DIAPH3: variants seen among roughly 807,000 people sequenced by gnomAD.
The protein encoded by DIAPH3 is diaphanous related formin 3.
A neutral mutation model predicts 144.3 loss-of-function variants in DIAPH3; 117 were observed. The ratio of observed to expected loss-of-function variants is 0.81; its 90% confidence interval spans 0.70 to 0.95. The LOEUF (loss-of-function observed/expected upper bound fraction) is 0.95. Ranked by LOEUF, DIAPH3 falls within the 40% of genes least tolerant of loss-of-function variation. DIAPH3 has a pLI of 0.00. For synonymous variants in DIAPH3, 519 were observed against 488.9 expected (o/e 1.06, Z -0.81); for missense variants, 1,421 against 1,412.7 (o/e 1.01, Z -0.09).
At chr13:59,921,461 A>G (rs919847748) in intron 18 of DIAPH3, among the ~76,000 whole-genome samples, 17 of 151,776 alleles carry the variant, frequency 1.1e-4, no homozygotes, top group Non-Finnish European at 2.4e-4. Flanking sequence ...TTATACATCA[A>G]TAAATTGGAT....
intron 17 of DIAPH3, among the ~76,000 whole-genome samples, chr13:59,949,651 G>C (rs565742714): frequency 6.6e-6 from 1 of 152,234 alleles, no homozygotes; most frequent in South Asian, 2.1e-4. Context: ...GCACAGCTGA[G>C]TAGCTGTGAC....
At chr13:59,846,123 A>G (rs150605138) in intron 22 of DIAPH3, among the ~76,000 whole-genome samples, 1 of 152,168 alleles carries the variant, frequency 6.6e-6, no homozygotes, top group African/African-American at 2.4e-5. Flanking sequence ...TCGAAACTAT[A>G]AATATTTAAG....
intron 27 of DIAPH3, among the ~76,000 whole-genome samples, chr13:59,753,120 C>T (rs1425317216): frequency 1.3e-5 from 2 of 152,052 alleles, no homozygotes; most frequent in African/African-American, 4.8e-5. Context: ...GAGGCTAATA[C>T]CAAACAAATT....
Position 59,969,990 on chromosome 13 carries a change from C to A in DIAPH3, c.2028G>T (p.Val676=). The A allele has an allele frequency of 6.2e-7, 1 of 1,609,688 alleles. No individual in the cohort carries two copies. The highest frequency in any genetic ancestry group is 8.5e-7 in the Non-Finnish European group (1 of 1,177,608). The change falls in exon 17 of 28, where the codon GTG becomes GTT. Residue 676 remains valine, a synonymous_variant. Transcript: ENST00000400324. ...IKVNENKYEN[V]DLLCKLENTF... is the part of the protein sequence containing the mutation. ...TATTCTCAAGTTTACAAAGCAAATC[C>A]ACGTTTTCATACTTATTTTCATTTA...
chr13:60,058,959 T>C (rs977402747), intron 4 of DIAPH3, among the ~76,000 whole-genome samples: 1 of 151,820 alleles, frequency 6.6e-6, no homozygotes, highest in African/African-American at 2.4e-5. Flanking sequence ...ATCCCAGACT[T>C]CACCACTATC....
chr13:59,739,189 T>C (rs2036313276), intron 27 of DIAPH3, among the ~76,000 whole-genome samples: 1 of 152,218 alleles, frequency 6.6e-6, no homozygotes, highest in Non-Finnish European at 1.5e-5. Context: ...TTGCGTTTTG[T>C]TAAGAATGTG....
At chr13:59,830,257 A>AT (rs2041703687) in intron 24 of DIAPH3, among the ~76,000 whole-genome samples, 1 of 151,786 alleles carries the variant, frequency 6.6e-6, no homozygotes. Context: ...AAAGCGATAT[A>AT]TTTTGTCTAA....
At chr13:60,121,793 T>C (rs2058851859) in intron 2 of DIAPH3, among the ~76,000 whole-genome samples, 1 of 152,188 alleles carries the variant, frequency 6.6e-6, no homozygotes. Context: ...GAATTGATTA[T>C]GACTCAGCTC....
chr13:59,733,364 A>C (rs919517474), intron 27 of DIAPH3, among the ~76,000 whole-genome samples: 26 of 152,190 alleles, frequency 1.7e-4, no homozygotes, highest in Non-Finnish European at 8.8e-5. Context: ...AAAATCTTTC[A>C]ATCTAAAACA....
intron 1 of DIAPH3, among the ~76,000 whole-genome samples, chr13:60,134,486 A>G (rs1219568434): frequency 6.6e-6 from 1 of 152,178 alleles, no homozygotes; most frequent in Admixed American, 6.5e-5. Flanking sequence ...CCAAACGTAG[A>G]GGGCTCTTGA....
At chr13:59,903,486 TAGTC>T (rs796226389) in intron 20 of DIAPH3, among the ~76,000 whole-genome samples, 7 of 152,052 alleles carry the variant, frequency 4.6e-5, no homozygotes, top group African/African-American at 1.7e-4. Flanking sequence ...GTACCATGAG[TAGTC>T]ACACTCAAAA....
intron 1 of DIAPH3, among the ~76,000 whole-genome samples, chr13:60,159,930 A>C (rs1952206250): frequency 6.6e-6 from 1 of 151,998 alleles, no homozygotes; most frequent in Non-Finnish European, 1.5e-5. Flanking sequence ...ACAAGGTGAA[A>C]AAATCTCAAA....
chr13:60,122,590 C>T (rs921337397), intron 2 of DIAPH3, among the ~76,000 whole-genome samples: 2 of 152,132 alleles, frequency 1.3e-5, no homozygotes, highest in Non-Finnish European at 2.9e-5. Context: ...GCCTGGAACA[C>T]CCTAGCCATT....
chr13:59,802,621 C>T (rs1038571611), intron 25 of DIAPH3, among the ~76,000 whole-genome samples: 153 of 127,252 alleles, frequency 1.2e-3, no homozygotes, highest in African/African-American at 4.1e-3. Context: ...AATCAAAGAA[C>T]AGAGTCTATG....
At chr13:59,673,033 A>G (rs2032460412) in intron 27 of DIAPH3, among the ~76,000 whole-genome samples, 2 of 152,222 alleles carry the variant, frequency 1.3e-5, no homozygotes, top group Admixed American at 1.3e-4. Context: ...CAAAGACAGT[A>G]CTGCCATTTC....
At chr13:60,063,356 TAA>T (rs1335256842) in intron 4 of DIAPH3, among the ~76,000 whole-genome samples, 1 of 152,156 alleles carries the variant, frequency 6.6e-6, no homozygotes, top group Non-Finnish European at 1.5e-5. Flanking sequence ...ATTCCTCCAC[TAA>T]AGTGTTGAAC....
chr13:59,791,796 G>A (rs2039339416), intron 25 of DIAPH3, among the ~76,000 whole-genome samples: 1 of 152,122 alleles, frequency 6.6e-6, no homozygotes, highest in Admixed American at 6.5e-5. Flanking sequence ...AGAGATGCAG[G>A]TCATTCACAG....
At chr13:59,683,418 TG>T (rs761742253) in intron 27 of DIAPH3, among the ~76,000 whole-genome samples, 40 of 151,498 alleles carry the variant, frequency 2.6e-4, no homozygotes, top group Non-Finnish European at 4.9e-4. Context: ...GAGCTGGGGG[TG>T]GGGTGTCATC....
rs2051773873 is a variant in DIAPH3 at position 59,991,028 on chromosome 13, C to A, written c.1361+130G>T. The A allele has an allele frequency of 7.9e-6, 5 of 628,966 alleles. No homozygotes were observed. In the South Asian group the frequency reaches 9.8e-5, roughly 12 times the overall value. The allele number at this position is 628,966 out of a possible 1,614,324, so 39.0% of individuals were successfully genotyped here. On this transcript the variant is annotated intron_variant, in intron 12 of 27. Transcript: ENST00000400324. The stretch of plus-strand genomic sequence containing the variant: ...CTAAATATATGCCCAGAGAAAACAA[C>A]ACATTCTATGAATCAGTGTTATGAC...
Sources: allele counts gnomAD v4.1 joint callset (sites outside exome capture counted in the v4.1 genomes callset), GRCh38; gene constraint gnomAD v4.1.1; transcripts MANE v1.5; gene names NCBI Gene and HGNC (gene_info 2026-07-23, HGNC 2026-07-21).